HK1: variants seen among roughly 807,000 people sequenced by gnomAD.
HK1 encodes the protein hexokinase 1.
A neutral mutation model predicts 91.6 loss-of-function variants in HK1; 28 were observed. The observed-to-expected ratio is 0.31, with a 90% CI of 0.23 to 0.42. HK1 has a LOEUF of 0.42. HK1 is among the 10% of genes least tolerant of loss of function. The probability of loss-of-function intolerance (pLI) is 1.00; values close to 1 mark genes in which losing one functional copy is unlikely to be tolerated. For missense variants in HK1, 770 were observed against 1,219.8 expected, an observed-to-expected ratio of 0.63 and a Z score of 5.49; for synonymous variants, 430 against 468.1, an observed-to-expected ratio of 0.92 and a Z score of 1.05.
chr10:69,283,263 A>G (rs1181486199), intron 2 of HK1, among the ~76,000 whole-genome samples: 1 of 150,836 alleles, frequency 6.6e-6, no homozygotes, highest in African/African-American at 2.4e-5. Context: ...CCTGGGCAAA[A>G]TAGAGAGATC....
At chr10:69,357,011 G>T (rs1395762308) in intron 2 of HK1, among the ~76,000 whole-genome samples, 1 of 151,858 alleles carries the variant, frequency 6.6e-6, no homozygotes, top group East Asian at 1.9e-4. Context: ...AGTCATCAGA[G>T]AAATGCAAAT....
intron 4 of HK1, among the ~76,000 whole-genome samples, chr10:69,368,301 G>A (rs1373581372): frequency 6.6e-6 from 1 of 152,236 alleles, no homozygotes; most frequent in Non-Finnish European, 1.5e-5. Context: ...GGAGTGAACT[G>A]GATATTGTGA....
chr10:69,292,260 A>G (rs1295314321), intron 3 of HK1: 1 of 354,578 alleles, frequency 2.8e-6, no homozygotes, highest in Non-Finnish European at 5.6e-6. Context: ...TTTTGTAGAG[A>G]CAGGGTCTTG....
chr10:69,349,920 C>G (rs1028851092), intron 2 of HK1, among the ~76,000 whole-genome samples: 11 of 152,180 alleles, frequency 7.2e-5, no homozygotes, highest in Admixed American at 3.9e-4. Context: ...TGGGAAGTCT[C>G]GCTGTGAGTT....
intron 2 of HK1, among the ~76,000 whole-genome samples, chr10:69,356,596 C>A (rs1479629325): frequency 6.6e-6 from 1 of 151,674 alleles, no homozygotes; most frequent in African/African-American, 2.4e-5. Flanking sequence ...ACATAAAAGA[C>A]AAATGAGGCC....
chr10:69,273,223 T>A (rs535792496), intron 1 of HK1, among the ~76,000 whole-genome samples: 1 of 152,036 alleles, frequency 6.6e-6, no homozygotes, highest in Non-Finnish European at 1.5e-5. Flanking sequence ...TATTTATTCA[T>A]TTATTTATTT....
chr10:69,370,974 A>G (rs1849968988), intron 7 of HK1, among the ~76,000 whole-genome samples: 1 of 152,130 alleles, frequency 6.6e-6, no homozygotes, highest in Non-Finnish European at 1.5e-5. Flanking sequence ...GATACTGTCA[A>G]CCTACAGAGA....
At chr10:69,389,111 G>T in intron 13 of HK1, 86 bp from the exon 14 acceptor site, 2 of 974,752 alleles carry the variant, frequency 2.1e-6, no homozygotes, top group South Asian at 2.7e-5. Flanking sequence ...GTGGCTCTCT[G>T]ACTGCAGTGC....
intron 2 of HK1, among the ~76,000 whole-genome samples, chr10:69,347,198 A>G (rs112474345): frequency 0.032 from 4,892 of 152,008 alleles, 132 homozygotes; most frequent in African/African-American, 0.064. Context: ...TTTAGTAGAG[A>G]CGGGGTTTTG....
chr10:69,277,416 A>C (rs1424888453), intron 1 of HK1, among the ~76,000 whole-genome samples: 1 of 151,954 alleles, frequency 6.6e-6, no homozygotes, highest in East Asian at 1.9e-4. Context: ...AAAAATACAA[A>C]AATTAGCCAG....
chr10:69,338,605 G>C, intron 1 of HK1: 1 of 1,289,268 alleles, frequency 7.8e-7, no homozygotes, highest in Non-Finnish European at 1.0e-6. Context: ...GGGCACTGAT[G>C]TTTGGCTGGA....
intron 1 of HK1, chr10:69,338,690 T>A (rs181762958): frequency 4.1e-6 from 4 of 964,294 alleles, no homozygotes; most frequent in Middle Eastern, 4.4e-4. Context: ...AGTGTGTGTG[T>A]GTGTGTGTGT....
chr10:69,290,720 G>A (rs1028261499), intron 3 of HK1, among the ~76,000 whole-genome samples: 2 of 152,076 alleles, frequency 1.3e-5, no homozygotes, highest in Non-Finnish European at 2.9e-5. Flanking sequence ...GGCTGGTCTC[G>A]AACTCCTGAC....
rs1042738695 is a variant in HK1 at position 69,327,000 on chromosome 10, C to CTTTT, written c.63+8009_63+8012dup. ...TGGTATTGCTTTGTGTGGTTTTAAA[C>CTTTT]TTTTTTTTTTTTTTTTTTTTTTGAG... is the stretch of plus-strand genomic sequence containing the variant. On this transcript the variant is annotated intron_variant, in intron 1 of 17. Transcript: ENST00000359426. 1.5e-3 allele frequency among the ~76,000 whole-genome samples: 161 copies of CTTTT among 110,922 alleles called. 1 individual carries two copies. The highest frequency in any genetic ancestry group is 2.3e-3 in the Non-Finnish European group (122 of 54,150). The allele number at this position is 110,922 out of a possible 152,430, so 72.8% of individuals were successfully genotyped here.
intron 15 of HK1, among the ~76,000 whole-genome samples, chr10:69,394,530 G>A (rs1453146794): frequency 6.6e-6 from 1 of 152,130 alleles, no homozygotes; most frequent in African/African-American, 2.4e-5. Context: ...CTGTCCTCTT[G>A]GGGCTGTCAC....
chr10:69,289,219 G>A (rs1193970846), intron 3 of HK1, among the ~76,000 whole-genome samples: 2 of 152,146 alleles, frequency 1.3e-5, no homozygotes, highest in African/African-American at 2.4e-5. Flanking sequence ...GGCAAGGCAG[G>A]AGCCCCCTCA....
rs1849896538 is a variant in HK1, at chr10:69,369,646, C to T, written c.875+22C>T. 2.5e-6 allele frequency: 4 copies of T among 1,607,106 alleles called. No individual in the cohort carries two copies. Among genetic ancestry groups the T allele is most frequent in the East Asian group, 4.5e-5 (2 of 44,806 alleles). On this transcript the variant is annotated intron_variant, in intron 7 of 17. Transcript: ENST00000359426. The surrounding 1 kb of genome is among the most constrained non-coding windows in gnomAD (Gnocchi z 4.4). ...AGCTGTGAGTCCTTGACTTTTGCTTCTAACCACATATGTGAGTTAGGGGAC... is the reference window on the plus strand; with the variant it reads ...AGCTGTGAGTCCTTGACTTTTGCTTTTAACCACATATGTGAGTTAGGGGAC...
At chr10:69,318,758 A>T (rs1479939082), upstream of HK1, 3 of 1,146,576 alleles carry the variant, frequency 2.6e-6, no homozygotes, top group Non-Finnish European at 3.4e-6. Context: ...GGCGGCTGTC[A>T]CCCTCCAGGG....
At chr10:69,348,142 C>T (rs11596110) in intron 2 of HK1, among the ~76,000 whole-genome samples, 15,703 of 151,986 alleles carry the variant, frequency 0.1, 1,341 homozygotes, top group African/African-American at 0.23. Context: ...TTCTTGGTTT[C>T]GGCTTCATTG....
Sources: allele counts gnomAD v4.1 joint callset (sites outside exome capture counted in the v4.1 genomes callset), GRCh38; gene constraint gnomAD v4.1.1; non-coding constraint Gnocchi (gnomAD v3.1); transcripts MANE v1.5; gene names NCBI Gene and HGNC (gene_info 2026-07-23, HGNC 2026-07-21).